Variants in CCDC148 observed in about 807,000 individuals in gnomAD.
The protein encoded by CCDC148 is coiled-coil domain containing 148.
In CCDC148, 89 loss-of-function variants were observed where a neutral mutation model predicts 85.7. The ratio of observed to expected loss-of-function variants is 1.04; its 90% confidence interval spans 0.87 to 1.24. The LOEUF (loss-of-function observed/expected upper bound fraction) is 1.24, where lower values mean the gene tolerates loss of function less well. Among genes scored for constraint, CCDC148 ranks in the 50% most tolerant of loss-of-function variants. The pLI, the probability that CCDC148 is intolerant of heterozygous loss-of-function variation, is 0.00. For missense variants in CCDC148, 692 were observed against 671.7 expected (o/e 1.03, Z -0.33); for synonymous variants, 230 against 213.9 (o/e 1.08, Z -0.66).
chr2:158,425,984 T>G (rs1687059677), intron 1 of CCDC148, among the ~76,000 whole-genome samples: 1 of 152,134 alleles, frequency 6.6e-6, no homozygotes, highest in South Asian at 2.1e-4. Flanking sequence ...GAATTGCTAA[T>G]TACTTCTTTG....
intron 10 of CCDC148, among the ~76,000 whole-genome samples, chr2:158,238,665 G>A (rs1285837847): frequency 6.6e-6 from 1 of 152,100 alleles, no homozygotes; most frequent in African/African-American, 2.4e-5. Flanking sequence ...AGAGTAGGGA[G>A]ACAGACATAG....
At chr2:158,303,370 T>C (rs4422120) in intron 9 of CCDC148, among the ~76,000 whole-genome samples, 61,569 of 151,972 alleles carry the variant, frequency 0.41, 13,170 homozygotes, top group South Asian at 0.61. Context: ...CAAGATAATA[T>C]TGAATTACAA....
chr2:158,348,618 A>G (rs1053849782), intron 2 of CCDC148, among the ~76,000 whole-genome samples: 7 of 151,976 alleles, frequency 4.6e-5, no homozygotes, highest in Admixed American at 4.6e-4. Context: ...TATTTCAGAA[A>G]TATATGTTGA....
Position 158,338,688 on chromosome 2 carries a change from G to A in CCDC148, c.764+38C>T, listed in dbSNP as rs1471605347. The stretch of plus-strand genomic sequence containing the variant: ...TCCCAAACAAAAATAAAAAGTTAGT[G>A]TCAAAAGTCTACACAGGACTCAGTT... On this transcript the variant is annotated intron_variant, in intron 7 of 13. Coordinates refer to ENST00000283233, the MANE Select transcript of CCDC148 (RefSeq NM_138803.4). The A allele has an allele frequency of 2.7e-6, 4 of 1,492,648 alleles. No homozygotes were observed. The African/African-American group carries it at 4.3e-5, about 16-fold the overall frequency. 92.5% of individuals were successfully genotyped at this position (1,492,648 alleles called of 1,614,324 possible).
chr2:158,426,662 G>C (rs1687092445), intron 1 of CCDC148, among the ~76,000 whole-genome samples: 1 of 152,136 alleles, frequency 6.6e-6, no homozygotes, highest in Non-Finnish European at 1.5e-5. Flanking sequence ...TACTGGGATT[G>C]GCACATGTGT....
At chr2:158,371,788 CCTT>C (rs917610871) in intron 1 of CCDC148, among the ~76,000 whole-genome samples, 2 of 151,742 alleles carry the variant, frequency 1.3e-5, no homozygotes, top group Non-Finnish European at 2.9e-5. Flanking sequence ...AAGAATTCTG[CCTT>C]TTTTACTGAA....
chr2:158,448,998 T>G (rs1035194368), intron 1 of CCDC148, among the ~76,000 whole-genome samples: 1 of 152,120 alleles, frequency 6.6e-6, no homozygotes, highest in Admixed American at 6.5e-5. Flanking sequence ...TGGCTAATTT[T>G]TGTATTTTTA....
chr2:158,226,680 T>C (rs1020875270), intron 10 of CCDC148, among the ~76,000 whole-genome samples: 1 of 152,142 alleles, frequency 6.6e-6, no homozygotes, highest in African/African-American at 2.4e-5. Context: ...TAATCCAGCA[T>C]ATAAACAGAA....
chr2:158,227,160 T>C (rs928732188), intron 10 of CCDC148, among the ~76,000 whole-genome samples: 7 of 151,916 alleles, frequency 4.6e-5, no homozygotes, highest in African/African-American at 9.7e-5. Flanking sequence ...CATACACCAA[T>C]AACAGACAAA....
At chr2:158,282,548 A>T (rs1261250246) in intron 9 of CCDC148, among the ~76,000 whole-genome samples, 8 of 152,196 alleles carry the variant, frequency 5.3e-5, no homozygotes, top group Non-Finnish European at 1.2e-4. Flanking sequence ...AGAGAATAAA[A>T]TACCTAGGAA....
chr2:158,230,953 GAGAT>G (rs796776483), intron 10 of CCDC148, among the ~76,000 whole-genome samples: 25 of 152,236 alleles, frequency 1.6e-4, no homozygotes, highest in African/African-American at 6.0e-4. Flanking sequence ...ACTAGTAACT[GAGAT>G]AGAAGATTGG....
chr2:158,201,555 A>G (rs1350426603), intron 11 of CCDC148, among the ~76,000 whole-genome samples: 3 of 151,994 alleles, frequency 2.0e-5, no homozygotes, highest in African/African-American at 4.8e-5. Context: ...AACTACAGCT[A>G]TACGCCACCA....
intron 9 of CCDC148, among the ~76,000 whole-genome samples, chr2:158,277,952 G>C (rs1392358267): frequency 6.6e-6 from 1 of 152,122 alleles, no homozygotes; most frequent in East Asian, 1.9e-4. Context: ...ACTCACAAAT[G>C]ATCTAGATAA....
At chr2:158,282,810 C>T (rs1286094147) in intron 9 of CCDC148, among the ~76,000 whole-genome samples, 1 of 152,096 alleles carries the variant, frequency 6.6e-6, no homozygotes, top group Non-Finnish European at 1.5e-5. Flanking sequence ...AAAAAGAGCC[C>T]ACATCGCCAA....
chr2:158,380,811 C>T (rs941065350), intron 1 of CCDC148: 1 of 152,048 alleles, frequency 6.6e-6, no homozygotes, highest in Non-Finnish European at 1.5e-5. Flanking sequence ...AGAAACAGTT[C>T]CATACATACA....
intron 9 of CCDC148, among the ~76,000 whole-genome samples, chr2:158,275,134 T>C (rs1689870130): frequency 6.6e-6 from 1 of 152,348 alleles, no homozygotes; most frequent in African/African-American, 2.4e-5. Context: ...CCCTACTTCC[T>C]CATAAGTGAT....
rs754041768 is a variant in CCDC148 at position 158,338,718 on chromosome 2, C to G, written c.764+8G>C. The G allele has an allele frequency of 5.0e-6, 8 of 1,588,996 alleles. No homozygotes were observed. Among genetic ancestry groups the G allele is most frequent in the Non-Finnish European group, 6.8e-6 (8 of 1,172,074 alleles). The stretch of plus-strand genomic sequence containing the variant: ...AAGTCTACACAGGACTCAGTTTTAT[C>G]TTATCACCTGTATATGTCTTCCAAC... On this transcript the variant is annotated splice_region_variant and intron_variant, in intron 7 of 13. Coordinates refer to ENST00000283233, the MANE Select transcript of CCDC148 (RefSeq NM_138803.4).
At position 158,263,448 on chromosome 2, in the gene CCDC148, C is replaced by T. The variant is rs184763736; in HGVS notation, c.1111-12536G>A. On this transcript the variant is annotated intron_variant, in intron 9 of 13. Coordinates refer to ENST00000283233, the MANE Select transcript of CCDC148 (RefSeq NM_138803.4). ...TTTACATGTGTATCCCACTTCCCAACTAGATTATATGCTCCCTGTATTCTG... is the reference window on the plus strand; with the variant it reads ...TTTACATGTGTATCCCACTTCCCAATTAGATTATATGCTCCCTGTATTCTG... 1.3e-3 allele frequency among the ~76,000 whole-genome samples: 192 copies of T among 152,108 alleles called. 1 individual carries two copies. The highest frequency in any genetic ancestry group is 4.4e-3 in the African/African-American group (183 of 41,522).
intron 9 of CCDC148, among the ~76,000 whole-genome samples, chr2:158,263,169 G>C (rs1348096660): frequency 6.6e-6 from 1 of 152,006 alleles, no homozygotes; most frequent in East Asian, 1.9e-4. Context: ...GGAGGATTTG[G>C]ACTCTAAGGG....
Sources: gnomAD v4.1 joint callset for allele counts (sites outside exome capture counted in the v4.1 genomes callset) on GRCh38, gnomAD v4.1.1 for gene constraint, MANE v1.5 for transcripts, NCBI Gene and HGNC (gene_info 2026-07-23, HGNC 2026-07-21) for gene names.